Variants in MYOZ2 observed in about 807,000 individuals in gnomAD.
MYOZ2 encodes myozenin-2.
MYOZ2 carries 19 observed loss-of-function variants against 25.4 expected under a neutral mutation model. That is an observed-to-expected ratio of 0.75 (90% CI 0.52 to 1.10). The LOEUF (loss-of-function observed/expected upper bound fraction) is 1.10. Among genes scored for constraint, MYOZ2 ranks in the 50% least tolerant of loss-of-function variants. The pLI, the probability that MYOZ2 is intolerant of heterozygous loss-of-function variation, is 0.00. For missense variants in MYOZ2, 270 were observed against 317.9 expected (o/e 0.85, Z 1.15); for synonymous variants, 92 against 106.9 (o/e 0.86, Z 0.86).
At chr4:119,147,034 G>A (rs147189862) in intron 2 of MYOZ2, among the ~76,000 whole-genome samples, 174 of 152,088 alleles carry the variant, frequency 1.1e-3, no homozygotes, top group Middle Eastern at 3.4e-3. Context: ...GTAATATTTG[G>A]TTGATGTTGC....
chr4:119,177,774 G>C (rs1578370507), intron 5 of MYOZ2, among the ~76,000 whole-genome samples: 1 of 152,140 alleles, frequency 6.6e-6, no homozygotes, highest in African/African-American at 2.4e-5. Flanking sequence ...ATCCACTCTA[G>C]GGTTATCCTG....
At position 119,160,558 on chromosome 4, in the gene MYOZ2, A is replaced by G. The variant is rs906001233; in HGVS notation, c.376+2407A>G. 2.6e-5 allele frequency among the ~76,000 whole-genome samples: 4 copies of G among 152,104 alleles called. No homozygotes were observed. In the East Asian group the frequency reaches 7.7e-4, roughly 29 times the overall value. On this transcript the variant is annotated intron_variant, in intron 4 of 5. Transcript: ENST00000307128. ...CTTTCTGTGTATATAATTCAACATC[A>G]TATGTGCATTTTATTGACCATCAGG...
chr4:119,157,994 A>G (rs1741619603), intron 3 of MYOZ2, 28 bp from the exon 4 acceptor site: 4 of 1,613,580 alleles, frequency 2.5e-6, no homozygotes, highest in Non-Finnish European at 2.5e-6. Context: ...TTGAGTTTTC[A>G]GCAGAGTTTA....
chr4:119,155,632 T>C (rs1466043757), intron 3 of MYOZ2, among the ~76,000 whole-genome samples: 3 of 152,122 alleles, frequency 2.0e-5, no homozygotes, highest in Non-Finnish European at 4.4e-5. Flanking sequence ...TGTGGAAGTT[T>C]GCAAGGAATG....
chr4:119,168,943 T>C (rs980122455), intron 5 of MYOZ2, among the ~76,000 whole-genome samples: 1 of 152,180 alleles, frequency 6.6e-6, no homozygotes, highest in Non-Finnish European at 1.5e-5. Context: ...CAGTATCATA[T>C]GCTACAAAGA....
intron 5 of MYOZ2, among the ~76,000 whole-genome samples, chr4:119,184,518 C>A (rs910716153): frequency 1.3e-5 from 2 of 152,194 alleles, no homozygotes; most frequent in African/African-American, 4.8e-5. Context: ...TCTGAAATAA[C>A]TTTTTAGTAA....
At chr4:119,168,873 A>T (rs2149226714) in intron 5 of MYOZ2, among the ~76,000 whole-genome samples, 1 of 152,344 alleles carries the variant, frequency 6.6e-6, no homozygotes, top group East Asian at 1.9e-4. Context: ...CAGTAGCAGG[A>T]TTGGAGAGGA....
At chr4:119,183,142 A>C (rs1320228100) in intron 5 of MYOZ2, among the ~76,000 whole-genome samples, 3 of 152,190 alleles carry the variant, frequency 2.0e-5, no homozygotes, top group Non-Finnish European at 4.4e-5. Context: ...TTATATAAGT[A>C]TATTGTAACG....
At chr4:119,153,944 G>A (rs1404715218) in intron 3 of MYOZ2, among the ~76,000 whole-genome samples, 1 of 151,930 alleles carries the variant, frequency 6.6e-6, no homozygotes, top group East Asian at 1.9e-4. Context: ...AAGAAAATAG[G>A]CCACCAAAAA....
At position 119,183,534 on chromosome 4, in the gene MYOZ2, C is replaced by T. The variant is rs557043023; in HGVS notation, c.561-2432C>T. Among the ~76,000 whole-genome samples the T allele has an allele frequency of 2.6e-5, 4 of 152,262 alleles. No homozygotes were observed. The South Asian group carries it at 8.3e-4, about 32-fold the overall frequency. On this transcript the variant is annotated intron_variant, in intron 5 of 5. Coordinates refer to ENST00000307128, the MANE Select transcript of MYOZ2 (RefSeq NM_016599.5). ...AGGGCAAAACCTGCATGATTGACCTCTCCACTGGGATGTCTAATCGTGTTT... is the reference window on the plus strand; with the variant it reads ...AGGGCAAAACCTGCATGATTGACCTTTCCACTGGGATGTCTAATCGTGTTT...
At position 119,170,763 on chromosome 4, in the gene MYOZ2, A is replaced by G. The variant is rs74679654; in HGVS notation, c.560+6369A>G. On this transcript the variant is annotated intron_variant, in intron 5 of 5. Coordinates refer to ENST00000307128, the MANE Select transcript of MYOZ2 (RefSeq NM_016599.5). ...GGAATAAGAGAGAGAAGCAATATTG[A>G]AAGAATTCATGGCGTAAGATTTTTC... is the stretch of plus-strand genomic sequence containing the variant. 5.7e-3 allele frequency among the ~76,000 whole-genome samples: 870 copies of G among 152,294 alleles called. 8 individuals carry two copies. Among genetic ancestry groups the G allele is most frequent in the African/African-American group, 0.02 (816 of 41,570 alleles).
chr4:119,147,809 G>C (rs1741340329), intron 2 of MYOZ2, among the ~76,000 whole-genome samples: 1 of 151,274 alleles, frequency 6.6e-6, no homozygotes, highest in African/African-American at 2.4e-5. Flanking sequence ...ATTGTCTTAA[G>C]TATTTCTTCT....
At chr4:119,165,728 C>G (rs11098490) in intron 5 of MYOZ2, among the ~76,000 whole-genome samples, 1 of 151,554 alleles carries the variant, frequency 6.6e-6, no homozygotes, top group African/African-American at 2.4e-5. Context: ...AAAATTATAA[C>G]AAGTAAAACA....
At chr4:119,155,696 T>C (rs971781881) in intron 3 of MYOZ2, among the ~76,000 whole-genome samples, 2 of 152,134 alleles carry the variant, frequency 1.3e-5, no homozygotes, top group African/African-American at 4.8e-5. Flanking sequence ...GCAAAAGAGT[T>C]TGCATTTTAT....
At chr4:119,165,897 G>T (rs1400837603) in intron 5 of MYOZ2, among the ~76,000 whole-genome samples, 1 of 152,126 alleles carries the variant, frequency 6.6e-6, no homozygotes, top group East Asian at 1.9e-4. Flanking sequence ...GGTAATATTT[G>T]GGTTAGTTAT....
intron 1 of MYOZ2, 78 bp from the exon 2 acceptor site, chr4:119,136,434 T>C: frequency 8.0e-7 from 1 of 1,247,522 alleles, no homozygotes; most frequent in South Asian, 1.3e-5. Context: ...AAAGATGTTG[T>C]CTTTCAAAAC....
rs1561137514 is a variant in MYOZ2 at position 119,186,002 on chromosome 4, A to G, written c.597A>G (p.Ser199=). 6.2e-7 allele frequency: 1 copy of G among 1,613,856 alleles called. No homozygotes were observed. The highest frequency in any genetic ancestry group is 8.5e-7 in the Non-Finnish European group (1 of 1,180,008). The change falls in exon 6 of 6, where the codon TCA becomes TCG. Residue 199 remains serine, a synonymous_variant. Coordinates refer to ENST00000307128, the MANE Select transcript of MYOZ2 (RefSeq NM_016599.5). ...CATTTGGAGGTTTTGAAAAAGCATC[A>G]AGAATGGTTAAATTTAAAGTTCCAG... ...ATPFGGFEKA[S]RMVKFKVPDF...
intron 2 of MYOZ2, among the ~76,000 whole-genome samples, chr4:119,138,408 A>G (rs1056350940): frequency 6.6e-6 from 1 of 152,160 alleles, no homozygotes; most frequent in Non-Finnish European, 1.5e-5. Flanking sequence ...GACATTTTAT[A>G]TGGAACTTTA....
chr4:119,158,276 TG>T lies in MYOZ2; in HGVS notation c.376+128del, dbSNP rs534975558. On this transcript the variant is annotated intron_variant, in intron 4 of 5. Transcript: ENST00000307128. ...TATCTTTTCTCATTAAGTATGTTTT[TG>T]GGCCCCAGGCACGGTGGCTCCCAAT... is the stretch of plus-strand genomic sequence containing the variant. The T allele has an allele frequency of 3.2e-4, 427 of 1,342,532 alleles. 1 individual carries two copies. In the African/African-American group the frequency reaches 5.4e-3, roughly 17 times the overall value. The allele number at this position is 1,342,532 out of a possible 1,614,324, so 83.2% of individuals were successfully genotyped here.
Sources: allele counts gnomAD v4.1 joint callset (sites outside exome capture counted in the v4.1 genomes callset), GRCh38; gene constraint gnomAD v4.1.1; transcripts MANE v1.5; gene names NCBI Gene and HGNC (gene_info 2026-07-23, HGNC 2026-07-21).